DOP1A: variants seen among roughly 807,000 people sequenced by gnomAD.
The protein encoded by DOP1A is protein DOP1A.
In DOP1A, 90 loss-of-function variants were observed where a neutral mutation model predicts 267.6. That is an observed-to-expected ratio of 0.34 (90% confidence interval 0.28 to 0.40). The LOEUF is 0.40. Among genes scored for constraint, DOP1A ranks in the 10% least tolerant of loss-of-function variants. The pLI, the probability that DOP1A is intolerant of heterozygous loss-of-function variation, is 1.00. For synonymous variants in DOP1A, 932 were observed against 999.1 expected, an observed-to-expected ratio of 0.93 and a Z score of 1.27; for missense variants, 2,437 against 2,900.4, an observed-to-expected ratio of 0.84 and a Z score of 3.67.
In DOP1A at chr6:83,096,942, G is replaced by A. The variant is rs1310887175; in HGVS notation, c.-36G>A. The A allele has an allele frequency of 6.2e-7, 1 of 1,609,460 alleles. No individual in the cohort carries two copies. The highest frequency in any genetic ancestry group is 2.2e-5 in the East Asian group (1 of 44,842). The stretch of plus-strand genomic sequence containing the variant: ...TTTTGTAGGTAATGACTTTACATGA[G>A]TTTGGAACTGGTCTCTAGTGGGAAG... On this transcript the variant is annotated 5_prime_UTR_variant, in exon 3 of 39. Coordinates refer to ENST00000349129, the MANE Select transcript of DOP1A (RefSeq NM_015018.4).
chr6:83,163,864 T>A (rs1281223960), intron 38 of DOP1A, among the ~76,000 whole-genome samples: 1 of 151,998 alleles, frequency 6.6e-6, no homozygotes, highest in African/African-American at 2.4e-5. Context: ...ACATATACCA[T>A]TAAAAAGTGT....
At chr6:83,085,692 G>C (rs1769029320) in intron 1 of DOP1A, among the ~76,000 whole-genome samples, 1 of 142,042 alleles carries the variant, frequency 7.0e-6, no homozygotes. Context: ...TGTATCAGAA[G>C]AGGTCTTATC....
chr6:83,105,255 A>G (rs1441307653), intron 4 of DOP1A, among the ~76,000 whole-genome samples: 1 of 152,072 alleles, frequency 6.6e-6, no homozygotes, highest in Non-Finnish European at 1.5e-5. Flanking sequence ...ATGAATAAAG[A>G]AACGCTATTT....
chr6:83,143,218 G>C (rs947557527), intron 24 of DOP1A, among the ~76,000 whole-genome samples: 4 of 152,110 alleles, frequency 2.6e-5, no homozygotes, highest in Non-Finnish European at 5.9e-5. Flanking sequence ...AAGAATTCAA[G>C]ACCTCATGAG....
Position 83,153,993 on chromosome 6 carries a change from C to A in DOP1A, c.6339C>A (p.Asp2113Glu). The change falls in exon 32 of 39, where the codon GAC becomes GAA. Residue 2113 changes from aspartate (D) to glutamate (E), a missense_variant. Asp to Glu is a conservative substitution (Grantham distance 45). Coordinates refer to ENST00000349129, the MANE Select transcript of DOP1A (RefSeq NM_015018.4). ...GAGCTTGGAAAAAAGAAGCTTTTGA[C>A]CTCTTTATGGATCCCAGTTTCTTTC... ...TRRAWKKEAF[D>E]LFMDPSFFQM... The A allele has an allele frequency of 1.2e-6, 2 of 1,614,050 alleles. No homozygotes were observed. The highest frequency in any genetic ancestry group is 1.3e-5 in the African/African-American group (1 of 75,018).
intron 38 of DOP1A, chr6:83,165,513 G>T: frequency 6.4e-6 from 1 of 155,526 alleles, no homozygotes; most frequent in South Asian, 1.9e-4. Flanking sequence ...ATTAAAATAG[G>T]AACCATTACA....
chr6:83,074,218 TC>T (rs11349842), intron 1 of DOP1A, among the ~76,000 whole-genome samples: 4,912 of 152,268 alleles, frequency 0.032, 200 homozygotes, highest in African/African-American at 0.091. Context: ...TTTGACAAAT[TC>T]TTAGTCTCCA....
chr6:83,131,098 T>C (rs1777945426), intron 17 of DOP1A, among the ~76,000 whole-genome samples: 1 of 152,178 alleles, frequency 6.6e-6, no homozygotes, highest in Non-Finnish European at 1.5e-5. Context: ...ACTCTTCATA[T>C]TGTCTCATTA....
chr6:83,092,410 A>T (rs969547620), intron 1 of DOP1A, among the ~76,000 whole-genome samples: 1 of 152,240 alleles, frequency 6.6e-6, no homozygotes, highest in African/African-American at 2.4e-5. Context: ...ATAAAACAAA[A>T]ATTAATTTGA....
chr6:83,159,908 T>G lies in DOP1A; in HGVS notation c.6910T>G (p.Phe2304Val). The change falls in exon 37 of 39, where the codon TTT becomes GTT. Residue 2304 changes from phenylalanine to valine, a missense_variant. By Grantham distance (50) the Phe-to-Val change is conservative. Transcript: ENST00000349129. ...AAACCTCTATCTCTCTGCTTGCAAA[T>G]TTTTGGATTTGGCTCTCGCATTGCC... The part of the protein sequence containing the change: ...WLNLYLSACK[F>V]LDLALALPSE... 6.2e-7 allele frequency: 1 copy of G among 1,614,154 alleles called. No individual in the cohort carries two copies. The highest frequency in any genetic ancestry group is 8.5e-7 in the Non-Finnish European group (1 of 1,180,026).
chr6:83,145,551 CT>C lies in DOP1A; in HGVS notation c.5573del (p.Leu1858TyrfsTer2). On this transcript the variant is annotated frameshift_variant, in exon 25 of 39. Coordinates refer to ENST00000349129, the MANE Select transcript of DOP1A (RefSeq NM_015018.4). LOFTEE classifies it high-confidence loss of function. The stretch of plus-strand genomic sequence containing the variant: ...CATTCCTGCAGCCAGTGAAGAACAG[CT>C]TTTATTAGTGGAATTGGTTCGTTCA... ...KVIPAASEEQ[L>X]LLVELVRSIS... 1 of 1,606,294 alleles carries C rather than the reference CT, an allele frequency of 6.2e-7. No homozygotes were observed. The highest frequency in any genetic ancestry group is 1.1e-5 in the South Asian group (1 of 89,992).
chr6:83,145,071 C>A, intron 24 of DOP1A, among the ~76,000 whole-genome samples: 1 of 132,604 alleles, frequency 7.5e-6, no homozygotes, highest in African/African-American at 2.9e-5. Flanking sequence ...CCACTGCACT[C>A]CAGCCTTGGA....
intron 13 of DOP1A, 27 bp downstream of exon 13, chr6:83,124,846 C>A (rs1776897643): frequency 3.9e-6 from 6 of 1,540,800 alleles, no homozygotes; most frequent in Non-Finnish European, 5.4e-6. Context: ...AAGAAAATAT[C>A]AAGGAAATCG....
intron 15 of DOP1A, among the ~76,000 whole-genome samples, chr6:83,126,593 A>T (rs1189209517): frequency 6.6e-6 from 1 of 152,152 alleles, no homozygotes; most frequent in Non-Finnish European, 1.5e-5. Context: ...AAAATAATCA[A>T]GTGGTAGGAA....
intron 35 of DOP1A, among the ~76,000 whole-genome samples, chr6:83,158,324 A>T (rs938363065): frequency 1.3e-5 from 2 of 151,844 alleles, no homozygotes; most frequent in Non-Finnish European, 2.9e-5. Flanking sequence ...TTAATAACTA[A>T]CTCTGTTCCA....
chr6:83,126,029 A>T (rs989497914), intron 15 of DOP1A, among the ~76,000 whole-genome samples: 1 of 151,920 alleles, frequency 6.6e-6, no homozygotes, highest in Non-Finnish European at 1.5e-5. Flanking sequence ...GGACAATTGT[A>T]GCCAATATAT....
intron 1 of DOP1A, among the ~76,000 whole-genome samples, chr6:83,090,713 T>G (rs146112204): frequency 1.3e-3 from 204 of 152,336 alleles, no homozygotes; most frequent in African/African-American, 4.7e-3. Flanking sequence ...GTGGAAATAC[T>G]GATCTTTCAC....
intron 7 of DOP1A, among the ~76,000 whole-genome samples, chr6:83,117,050 A>C (rs1428791059): frequency 6.6e-6 from 1 of 152,174 alleles, no homozygotes; most frequent in Non-Finnish European, 1.5e-5. Flanking sequence ...CTCACAACTC[A>C]GTTATACAAT....
Position 83,108,922 on chromosome 6 carries a change from T to C in DOP1A, c.333T>C (p.Phe111=), listed in dbSNP as rs1774107663. 6.2e-7 allele frequency: 1 copy of C among 1,612,352 alleles called. No individual in the cohort carries two copies. The highest frequency in any genetic ancestry group is 8.5e-7 in the Non-Finnish European group (1 of 1,179,332). ...ATTTTTTTAATAGTTCTGGATTATTTCCTCTTCTTGCAAATGCTGCCATGT... is the reference window on the plus strand; with the variant it reads ...ATTTTTTTAATAGTTCTGGATTATTCCCTCTTCTTGCAAATGCTGCCATGT... ...KDLFLYSSGL[F]PLLANAAMSV... Residue 111 remains phenylalanine (F), a synonymous_variant, in exon 5 of 39, where the codon TTT becomes TTC. Coordinates refer to ENST00000349129, the MANE Select transcript of DOP1A (RefSeq NM_015018.4).
Sources: gnomAD v4.1 joint callset for allele counts (sites outside exome capture counted in the v4.1 genomes callset) on GRCh38, gnomAD v4.1.1 for gene constraint, MANE v1.5 for transcripts, NCBI Gene and HGNC (gene_info 2026-07-23, HGNC 2026-07-21) for gene names.